The following ARAP3 variants were observed in gnomAD, a reference collection of about 807,000 sequenced individuals.
ARAP3 encodes the protein ArfGAP with RhoGAP domain, ankyrin repeat and PH domain 3, also known as arf-GAP with Rho-GAP domain, ANK repeat and PH domain-containing protein 3.
Under a neutral mutation model 169.2 loss-of-function variants are expected in ARAP3, and 82 were observed. That is an observed-to-expected ratio of 0.48 (90% confidence interval 0.41 to 0.58). ARAP3 has a LOEUF of 0.58. Ranked by LOEUF, ARAP3 falls within the 20% of genes least tolerant of loss-of-function variation. The pLI is 0.00. For missense variants in ARAP3, 1,764 were observed against 2,018.0 expected (o/e 0.87, Z 2.41); for synonymous variants, 791 against 800.3 (o/e 0.99, Z 0.20).
rs777707626 is a variant in ARAP3, at chr5:141,673,008, C to T, written c.1093+5G>A. On this transcript the variant is annotated splice_donor_5th_base_variant and intron_variant, in intron 7 of 32. Transcript: ENST00000239440. ...TGCCCTGACTCAGGGGGCTGTGGCC[C>T]TCACCCTCGCTCTCTGTGCGGAACA... 4 of 1,614,192 alleles carry T rather than the reference C, an allele frequency of 2.5e-6. No homozygotes were observed. The highest frequency in any genetic ancestry group is 3.4e-6 in the Non-Finnish European group (4 of 1,180,022).
chr5:141,673,324 CCCT>C (rs760468803), intron 6 of ARAP3, 74 bp downstream of exon 6: 456 of 1,589,804 alleles, frequency 2.9e-4, no homozygotes, highest in Non-Finnish European at 3.7e-4. Flanking sequence ...CAATGGACTT[CCCT>C]CCTTCCAATT....
chr5:141,671,981 C>CTGTGAGGG lies in ARAP3; in HGVS notation c.1586-9_1586-2dup. The CTGTGAGGG allele has an allele frequency of 6.2e-7, 1 of 1,614,094 alleles. No homozygotes were observed. The highest frequency in any genetic ancestry group is 2.2e-5 in the East Asian group (1 of 44,890). On this transcript the variant is annotated splice_acceptor_variant, in intron 10 of 32. Coordinates refer to ENST00000239440, the MANE Select transcript of ARAP3 (RefSeq NM_022481.6). LOFTEE classifies it high-confidence loss of function. This position sits in a 1 kb window ranked among gnomAD's most constrained non-coding sequence, Gnocchi z 4.9. The stretch of plus-strand genomic sequence containing the variant: ...CCAGAACCCAGGGCCCGGTGCTGAC[C>CTGTGAGGG]TGTGAGGGTGTGAGGGTGTGTGAGG...
chr5:141,658,900 T>C (rs1264595167), intron 23 of ARAP3, among the ~76,000 whole-genome samples: 2 of 152,156 alleles, frequency 1.3e-5, no homozygotes, highest in East Asian at 3.9e-4. Flanking sequence ...CTGCCTGGTC[T>C]CTCTGCCACT....
chr5:141,661,603 T>A, intron 21 of ARAP3, 81 bp downstream of exon 21: 9 of 1,342,706 alleles, frequency 6.7e-6, no homozygotes, highest in Non-Finnish European at 9.5e-6. Context: ...AACAAATGAA[T>A]GAATGAATGA....
chr5:141,661,307 G>A lies in ARAP3; in HGVS notation c.3119+377C>T, dbSNP rs1181916536. On this transcript the variant is annotated intron_variant, in intron 21 of 32. Coordinates refer to ENST00000239440, the MANE Select transcript of ARAP3 (RefSeq NM_022481.6). ...TCAAACTCCTGGCCTTAGATGACCCGCCCACCTTGCTTCCCAAAGTGTTGG... is the reference window on the plus strand; with the variant it reads ...TCAAACTCCTGGCCTTAGATGACCCACCCACCTTGCTTCCCAAAGTGTTGG... Among the ~76,000 whole-genome samples, 7 of 152,150 alleles carry A rather than the reference G, an allele frequency of 4.6e-5. 1 individual carries two copies. Among genetic ancestry groups the A allele is most frequent in the Middle Eastern group, 6.8e-3 (2 of 294 alleles).
At chr5:141,659,522 T>C (rs748900073) in intron 22 of ARAP3, 46 bp from the exon 23 acceptor site, 5 of 1,599,780 alleles carry the variant, frequency 3.1e-6, no homozygotes, top group Middle Eastern at 1.7e-4. Context: ...GAAGAGGATC[T>C]GCCGGGAAGA....
At chr5:141,658,851 A>C (rs999774415) in intron 23 of ARAP3, among the ~76,000 whole-genome samples, 198 bp from the exon 24 acceptor site, 28 of 152,136 alleles carry the variant, frequency 1.8e-4, no homozygotes, top group African/African-American at 6.5e-4. Context: ...GTACTTCCCA[A>C]GGCATCATAG....
intron 20 of ARAP3, 33 bp downstream of exon 20, chr5:141,662,010 T>C (rs1369460122): frequency 1.9e-6 from 3 of 1,611,366 alleles, no homozygotes; most frequent in African/African-American, 1.3e-5. Flanking sequence ...GAGATCCTGG[T>C]TGGGCCTTGG....
chr5:141,664,664 G>C (rs1401671744), intron 19 of ARAP3, among the ~76,000 whole-genome samples: 2 of 152,140 alleles, frequency 1.3e-5, no homozygotes, highest in Admixed American at 6.5e-5. Context: ...AGGCTTGACA[G>C]GCATTGTCTC....
Position 141,669,693 on chromosome 5 carries a change from C to T in ARAP3, c.2352+16G>A, listed in dbSNP as rs372822249. The T allele has an allele frequency of 8.1e-5, 131 of 1,611,176 alleles. No individual in the cohort carries two copies. The African/African-American group carries it at 1.4e-3, about 18-fold the overall frequency. ...GGAAAGCATGAGATGCTGCAGAGGG[C>T]GCTCTCCTGTCTCACCTTGCCCACA... On this transcript the variant is annotated intron_variant, in intron 16 of 32. Transcript: ENST00000239440.
At position 141,654,399 on chromosome 5, in the gene ARAP3, C is replaced by G. The variant is rs535477374; in HGVS notation, c.4186G>C (p.Glu1396Gln). Reference sequence around the variant, plus strand: ...TCGTACACAGGCTCCTCCAGCTCCTCTTGCTCCTCCACAGACCCCTGGGAT... The same window carrying G: ...TCGTACACAGGCTCCTCCAGCTCCTGTTGCTCCTCCACAGACCCCTGGGAT... ...KSSQGSVEEQ[E>Q]ELEEPVYEEP... The change falls in exon 33 of 33, where the codon GAG (glutamate) becomes CAG (glutamine). Residue 1396 changes from glutamate to glutamine, a missense_variant. Glu to Gln is a conservative substitution (Grantham distance 29). This residue lies in a region of ARAP3 where 1,112 missense variants were observed against 1,285.7 expected (regional missense o/e 0.86). Transcript: ENST00000239440. The G allele has an allele frequency of 6.7e-5, 108 of 1,608,460 alleles. No individual in the cohort carries two copies. The highest frequency in any genetic ancestry group is 8.4e-5 in the Non-Finnish European group (99 of 1,176,932).
In ARAP3 at chr5:141,664,991, C is replaced by T. The variant is rs1440492828; in HGVS notation, c.2731G>A (p.Glu911Lys). The change falls in exon 19 of 33, where the codon GAG becomes AAG. Residue 911 changes from glutamate to lysine, a missense_variant. Around this residue, in one of 3 missense-constraint regions of ARAP3, gnomAD observed 1,112 missense variants for 1,285.7 expected, o/e 0.86. Transcript: ENST00000239440. Reference protein sequence around the residue: ...AAGGGGTGLQEQQMSRGDIPI... With the variant: ...AAGGGGTGLQKQQMSRGDIPI... The stretch of plus-strand genomic sequence containing the variant: ...ATGTCACCCCGGCTCATCTGCTGCT[C>T]CTGCAGCCCTGTGCCGCCCCCACCA... 6.2e-7 allele frequency: 1 copy of T among 1,613,662 alleles called. No homozygotes were observed. The highest frequency in any genetic ancestry group is 8.5e-7 in the Non-Finnish European group (1 of 1,179,928).
intron 17 of ARAP3, 104 bp from the exon 18 acceptor site, chr5:141,665,478 CA>C: frequency 8.2e-7 from 1 of 1,215,878 alleles, no homozygotes; most frequent in East Asian, 2.4e-5. Context: ...AGGAGCATTA[CA>C]AAAAACGTTC....
rs1165954244 is a variant in ARAP3 at position 141,672,184 on chromosome 5, G to A, written c.1503C>T (p.Asn501=). The A allele has an allele frequency of 6.2e-7, 1 of 1,614,190 alleles. No individual in the cohort carries two copies. Among genetic ancestry groups the A allele is most frequent in the Non-Finnish European group, 8.5e-7 (1 of 1,180,020 alleles). Residue 501 remains asparagine (N), a synonymous_variant, in exon 10 of 33, where the codon AAC becomes AAT. Transcript: ENST00000239440. This position sits in a 1 kb window ranked among gnomAD's most constrained non-coding sequence, Gnocchi z 4.9. ...VAEKIWSNRA[N]RQCADCGSSR... ...AGGACCCACAGTCCGCACACTGCCG[G>A]TTGGCCCGATTAGACCAGATCTTCT...
At chr5:141,655,298 G>A (rs2099909129) in intron 32 of ARAP3, 64 bp downstream of exon 32, 1 of 1,536,776 alleles carries the variant, frequency 6.5e-7, no homozygotes, top group South Asian at 1.2e-5. Context: ...CACACCCGGG[G>A]CTCAGGCAGC....
At chr5:141,667,865 A>C in intron 16 of ARAP3, among the ~76,000 whole-genome samples, 1 of 149,806 alleles carries the variant, frequency 6.7e-6, no homozygotes. Flanking sequence ...AACATGGTGA[A>C]ACCCCATCTC....
Position 141,653,572 on chromosome 5 carries a change from TTTC to T in ARAP3, c.*375_*377del, listed in dbSNP as rs1346114717. ...GGCCTCTGGTTTCCAAAGCATTTTT[TTTC>T]TTTAATGCAGTAAAACCATTCCTTT... On this transcript the variant is annotated 3_prime_UTR_variant, in exon 33 of 33. Transcript: ENST00000239440. 2.4e-5 allele frequency: 4 copies of T among 163,270 alleles called. No individual in the cohort carries two copies. Among genetic ancestry groups the T allele is most frequent in the African/African-American group, 9.6e-5 (4 of 41,878 alleles). The allele number at this position is 163,270 out of a possible 1,614,324, so 10.1% of individuals were successfully genotyped here.
At position 141,673,027 on chromosome 5, in the gene ARAP3, C is replaced by A. The variant is rs1023819240; in HGVS notation, c.1079G>T (p.Arg360Leu). The part of the protein sequence containing the change: ...VITGQRVFVF[R>L]TESEAQRDMW... Reference sequence around the variant, plus strand: ...GTGGCCCTCACCCTCGCTCTCTGTGCGGAACACGAACACCCTCTGGCCGGT... The same window carrying A: ...GTGGCCCTCACCCTCGCTCTCTGTGAGGAACACGAACACCCTCTGGCCGGT... The change falls in exon 7 of 33, where the codon CGC becomes CTC. Residue 360 changes from arginine (R) to leucine (L), a missense_variant. Around this residue, in one of 3 missense-constraint regions of ARAP3, gnomAD observed 630 missense variants for 678.7 expected, o/e 0.93. Coordinates refer to ENST00000239440, the MANE Select transcript of ARAP3 (RefSeq NM_022481.6). The A allele has an allele frequency of 1.9e-6, 3 of 1,614,028 alleles. No individual in the cohort carries two copies. The highest frequency in any genetic ancestry group is 1.3e-5 in the African/African-American group (1 of 74,906).
rs746652750 is a variant in ARAP3 at position 141,679,810 on chromosome 5, G to A, written c.537C>T (p.Ser179=). ...CAGGGGTGGGGGCAGAGATTTGGGA[G>A]CTGTCTGGGGCCCTGAAGGGAAAGG... ...AQAAQDKAPD[S]SQISAPTPAL... is the part of the protein sequence containing the mutation. The change falls in exon 3 of 33, where the codon AGC becomes AGT. Residue 179 remains serine (S), a synonymous_variant. Transcript: ENST00000239440. 1 of 1,612,038 alleles carries A rather than the reference G, an allele frequency of 6.2e-7. No individual in the cohort carries two copies. The highest frequency in any genetic ancestry group is 2.2e-5 in the East Asian group (1 of 44,836).
Sources: allele counts gnomAD v4.1 joint callset (sites outside exome capture counted in the v4.1 genomes callset), GRCh38; gene constraint gnomAD v4.1.1; regional missense constraint gnomAD v4.1.1; non-coding constraint Gnocchi (gnomAD v3.1); transcripts MANE v1.5; gene names NCBI Gene and HGNC (gene_info 2026-07-23, HGNC 2026-07-21).